The following OSBPL10 variants were observed in gnomAD, a reference collection of about 807,000 sequenced individuals.
The protein encoded by OSBPL10 is oxysterol-binding protein-related protein 10.
A neutral mutation model predicts 81.7 loss-of-function variants in OSBPL10; 49 were observed. The ratio of observed to expected loss-of-function variants is 0.60; its 90% CI spans 0.48 to 0.76. OSBPL10 has a LOEUF of 0.76. Among genes scored for constraint, OSBPL10 ranks in the 30% least tolerant of loss-of-function variants. The probability of loss-of-function intolerance (pLI) is 0.00; values close to 1 mark genes in which losing one functional copy is unlikely to be tolerated. For missense variants in OSBPL10, 923 were observed against 987.8 expected (o/e 0.93, Z 0.88); for synonymous variants, 419 against 383.6 (o/e 1.09, Z -1.08).
intron 10 of OSBPL10, 146 bp from the exon 11 acceptor site, chr3:31,664,378 G>A (rs769096386): frequency 1.2e-5 from 9 of 727,318 alleles, no homozygotes; most frequent in South Asian, 1.8e-5. Flanking sequence ...CAAAGACCCC[G>A]AGAGCCTAGA....
At chr3:31,761,646 A>G (rs1698044798) in intron 4 of OSBPL10, among the ~76,000 whole-genome samples, 1 of 151,572 alleles carries the variant, frequency 6.6e-6, no homozygotes, top group African/African-American at 2.4e-5. Context: ...GTGAAATCCC[A>G]TCTCTACTAA....
At chr3:31,833,693 G>T (rs1471123456) in intron 3 of OSBPL10, among the ~76,000 whole-genome samples, 1 of 132,970 alleles carries the variant, frequency 7.5e-6, no homozygotes, top group Non-Finnish European at 1.6e-5. Flanking sequence ...GGGAAAACAC[G>T]CACACGCACA....
chr3:31,929,679 C>T (rs1246764137), intron 1 of OSBPL10, among the ~76,000 whole-genome samples: 16 of 149,440 alleles, frequency 1.1e-4, no homozygotes, highest in African/African-American at 3.5e-4. Context: ...ACCCGGGAGG[C>T]GGAGCTTGCA....
chr3:31,930,350 G>A (rs1158186159), intron 1 of OSBPL10, among the ~76,000 whole-genome samples: 5 of 152,104 alleles, frequency 3.3e-5, no homozygotes, highest in African/African-American at 1.2e-4. Context: ...CCTATTGATA[G>A]GCACTTTCTA....
Position 31,879,760 on chromosome 3 carries a change from G to C in OSBPL10, c.352C>G (p.Pro118Ala). ...FVNEQSKHQKPRGVLSLSGAI... is the reference protein window; with the variant it reads ...FVNEQSKHQKARGVLSLSGAI... ...CCAGATAAAGACAGGACTCCTCGAGGCTTCTGGTGTTTGCTTTGCTCATTC... is the reference window on the plus strand; with the variant it reads ...CCAGATAAAGACAGGACTCCTCGAGCCTTCTGGTGTTTGCTTTGCTCATTC... The change falls in exon 2 of 12, where the codon CCT becomes GCT. Residue 118 changes from proline (P) to alanine (A), a missense_variant. This residue lies in a region of OSBPL10 where 514 missense variants were observed against 508.0 expected (regional missense o/e 1.01). Transcript: ENST00000396556. 1 of 1,614,172 alleles carries C rather than the reference G, an allele frequency of 6.2e-7. No individual in the cohort carries two copies. Among genetic ancestry groups the C allele is most frequent in the Non-Finnish European group, 8.5e-7 (1 of 1,180,034 alleles).
Position 31,784,358 on chromosome 3 carries a change from GAAAGGA to G in OSBPL10, c.730-36244_730-36239del, listed in dbSNP as rs569884773. On this transcript the variant is annotated intron_variant, in intron 4 of 11. Coordinates refer to ENST00000396556, the MANE Select transcript of OSBPL10 (RefSeq NM_017784.5). ...AGCCTGGGTGACAGAGATGGGAAAG[GAAAGGA>G]AAAGGAAAAGGAAAGGGAAAAGGAA... Among the ~76,000 whole-genome samples the G allele has an allele frequency of 1.3e-3, 194 of 151,010 alleles. 2 individuals carry two copies. The highest frequency in any genetic ancestry group is 4.4e-3 in the African/African-American group (182 of 41,122).
chr3:31,667,491 C>T (rs181709493), intron 10 of OSBPL10, among the ~76,000 whole-genome samples: 1 of 152,348 alleles, frequency 6.6e-6, no homozygotes, highest in African/African-American at 2.4e-5. Flanking sequence ...TGTGGTATCC[C>T]TGCTTTGTTT....
intron 2 of OSBPL10, among the ~76,000 whole-genome samples, chr3:32,001,887 A>T (rs549814981): frequency 4.3e-4 from 65 of 152,230 alleles, no homozygotes; most frequent in African/African-American, 1.4e-3. Flanking sequence ...CTCTTGGACA[A>T]TTTTTTTCTG....
intron 2 of OSBPL10, 94 bp from the exon 3 acceptor site, chr3:31,876,606 C>T: frequency 1.9e-6 from 2 of 1,033,850 alleles, no homozygotes; most frequent in South Asian, 2.7e-5. Flanking sequence ...GGTGGGGAGC[C>T]TGGGGAGTGA....
chr3:31,698,050 C>T (rs750572850), intron 7 of OSBPL10, among the ~76,000 whole-genome samples: 10 of 152,058 alleles, frequency 6.6e-5, no homozygotes, highest in South Asian at 6.2e-4. Flanking sequence ...GCGTGAGCCA[C>T]GGTGCCTGGC....
intron 5 of OSBPL10, among the ~76,000 whole-genome samples, chr3:31,743,535 C>G (rs913820190): frequency 1.1e-4 from 16 of 152,066 alleles, no homozygotes; most frequent in Non-Finnish European, 2.4e-4. Flanking sequence ...ACAAAAACAG[C>G]GTAATGAGCA....
At chr3:31,713,128 T>C (rs915127797) in intron 6 of OSBPL10, among the ~76,000 whole-genome samples, 2 of 152,196 alleles carry the variant, frequency 1.3e-5, no homozygotes, top group Non-Finnish European at 2.9e-5. Flanking sequence ...ACTCCTAAGC[T>C]GAAAGCCCTC....
rs766967065 is a variant in OSBPL10 at position 31,683,626 on chromosome 3, T to C, written c.1726+8A>G. ...AAGAGCCAAACTCCAACATACGACA[T>C]GGCTTACCTTCCCCTATCATAGAGA... On this transcript the variant is annotated splice_region_variant and intron_variant, in intron 8 of 11. Coordinates refer to ENST00000396556, the MANE Select transcript of OSBPL10 (RefSeq NM_017784.5). 1.9e-6 allele frequency: 3 copies of C among 1,603,966 alleles called. No homozygotes were observed. Among genetic ancestry groups the C allele is most frequent in the South Asian group, 1.1e-5 (1 of 90,944 alleles).
chr3:31,929,186 A>G (rs1453228309), intron 1 of OSBPL10, among the ~76,000 whole-genome samples: 2 of 152,256 alleles, frequency 1.3e-5, no homozygotes, highest in Non-Finnish European at 2.9e-5. Context: ...AGAAGAAAAA[A>G]AAGATAGAGA....
intron 1 of OSBPL10, among the ~76,000 whole-genome samples, chr3:31,938,687 G>T (rs560716057): frequency 6.6e-6 from 1 of 152,152 alleles, no homozygotes; most frequent in Admixed American, 6.5e-5. Context: ...TAGAAATGGG[G>T]TTTCACTATG....
intron 4 of OSBPL10, among the ~76,000 whole-genome samples, chr3:31,796,993 A>AT (rs71097443): frequency 0.07 from 8,700 of 123,510 alleles, 1,106 homozygotes; most frequent in African/African-American, 0.22. Context: ...ATTTTTATTA[A>AT]TTTTTTTTTT....
At chr3:31,900,037 T>A (rs1010108527) in intron 1 of OSBPL10, among the ~76,000 whole-genome samples, 1 of 151,372 alleles carries the variant, frequency 6.6e-6, no homozygotes, top group Non-Finnish European at 1.5e-5. Flanking sequence ...TTTTTTTTTT[T>A]TTTTTTAAGA....
intron 1 of OSBPL10, among the ~76,000 whole-genome samples, chr3:31,895,429 A>G (rs1471178097): frequency 1.3e-5 from 2 of 151,784 alleles, no homozygotes; most frequent in African/African-American, 4.8e-5. Flanking sequence ...GAGCCACCGC[A>G]CCCAGCCCAG....
chr3:32,075,114 A>T (rs1460780490), intron 1 of OSBPL10, among the ~76,000 whole-genome samples: 1 of 152,206 alleles, frequency 6.6e-6, no homozygotes, highest in African/African-American at 2.4e-5. Flanking sequence ...AACCTCTGTC[A>T]CAACATTCTG....
Sources: allele counts gnomAD v4.1 joint callset (sites outside exome capture counted in the v4.1 genomes callset), GRCh38; gene constraint gnomAD v4.1.1; regional missense constraint gnomAD v4.1.1; transcripts MANE v1.5; gene names NCBI Gene and HGNC (gene_info 2026-07-23, HGNC 2026-07-21).